CDK14: variants seen among roughly 807,000 people sequenced by gnomAD.
CDK14 encodes cyclin-dependent kinase 14.
A neutral mutation model predicts 60.7 loss-of-function variants in CDK14; 34 were observed. The observed-to-expected ratio is 0.56, with a 90% CI of 0.43 to 0.75. The LOEUF (loss-of-function observed/expected upper bound fraction) is 0.75, where lower values mean the gene tolerates loss of function less well. Among genes scored for constraint, CDK14 ranks in the 30% least tolerant of loss-of-function variants. The pLI is 0.00. For synonymous variants in CDK14, 197 were observed against 203.7 expected (o/e 0.97, Z 0.28); for missense variants, 482 against 564.1 (o/e 0.85, Z 1.47).
intron 2 of CDK14, among the ~76,000 whole-genome samples, chr7:90,649,394 C>T (rs17875197): frequency 0.067 from 1,971 of 29,470 alleles, 235 homozygotes; most frequent in African/African-American, 0.085. Flanking sequence ...TCCTTCCTTC[C>T]TTCTTTCTTT....
chr7:90,959,867 T>A (rs1794549540), intron 9 of CDK14, among the ~76,000 whole-genome samples: 1 of 152,178 alleles, frequency 6.6e-6, no homozygotes, highest in Non-Finnish European at 1.5e-5. Context: ...AGATAGTTTT[T>A]GATTGTTTTA....
At chr7:91,047,432 C>T (rs898355598) in intron 11 of CDK14, among the ~76,000 whole-genome samples, 2 of 152,070 alleles carry the variant, frequency 1.3e-5, no homozygotes, top group East Asian at 1.9e-4. Flanking sequence ...TTGGAAAGTA[C>T]GAGGATGTGG....
chr7:90,750,892 A>C lies in CDK14; in HGVS notation c.464+3117A>C, dbSNP rs141165061. On this transcript the variant is annotated intron_variant, in intron 4 of 14. Coordinates refer to ENST00000380050, the MANE Select transcript of CDK14 (RefSeq NM_001287135.2). ...TCTCCAAAAAAAAAGAAAAAAAAAG[A>C]AAAGAAGAAAACAGTTGAAAGCTTC... Among the ~76,000 whole-genome samples, 1,446 of 152,274 alleles carry C rather than the reference A, an allele frequency of 9.5e-3. 60 individuals are homozygous for C. Among genetic ancestry groups the C allele is most frequent in the Admixed American group, 0.073 (1,109 of 15,284 alleles).
chr7:90,789,088 G>T (rs721175), intron 4 of CDK14, among the ~76,000 whole-genome samples: 3,152 of 152,010 alleles, frequency 0.021, 96 homozygotes, highest in African/African-American at 0.07. Context: ...TTTAACTTAC[G>T]GACATATTTT....
chr7:90,799,148 T>G lies in CDK14; in HGVS notation c.544+8496T>G, dbSNP rs1324776091. On this transcript the variant is annotated intron_variant, in intron 5 of 14. Coordinates refer to ENST00000380050, the MANE Select transcript of CDK14 (RefSeq NM_001287135.2). ...ATAGATTCTTGAATATGTGATGGTT[T>G]TCTTAGGTGAGAATTATGCTTAAAG... Among the ~76,000 whole-genome samples the G allele has an allele frequency of 2.6e-5, 4 of 152,210 alleles. No homozygotes were observed. In the South Asian group the frequency reaches 6.2e-4, roughly 24 times the overall value.
Position 90,984,231 on chromosome 7 carries a change from G to A in CDK14, c.1031G>A (p.Arg344Gln), listed in dbSNP as rs139618090. 8.8e-5 allele frequency: 141 copies of A among 1,605,758 alleles called. No homozygotes were observed. Among genetic ancestry groups the A allele is most frequent in the Non-Finnish European group, 1.1e-4 (131 of 1,172,558 alleles). The part of the protein sequence containing the change: ...GMKDIQDQLE[R>Q]IFLVLGTPNE... ...AAAGACATTCAGGATCAACTTGAAC[G>A]AATATTTCTGGTAAGTCCTTTACAG... The change falls in exon 10 of 15, where the codon CGA (arginine) becomes CAA (glutamine). Residue 344 changes from arginine to glutamine, a missense_variant. Transcript: ENST00000380050.
chr7:90,914,915 A>T (rs1224728445), intron 7 of CDK14, among the ~76,000 whole-genome samples: 1 of 152,142 alleles, frequency 6.6e-6, no homozygotes, highest in Non-Finnish European at 1.5e-5. Context: ...ACCACCTATT[A>T]CCCGAGTATA....
At chr7:90,638,418 G>T in intron 2 of CDK14, among the ~76,000 whole-genome samples, 1 of 152,134 alleles carries the variant, frequency 6.6e-6, no homozygotes, top group Non-Finnish European at 1.5e-5. Context: ...ATGAAATTCT[G>T]GGTTGAAAAT....
chr7:90,898,542 C>T (rs558675948), intron 6 of CDK14, among the ~76,000 whole-genome samples: 1 of 151,872 alleles, frequency 6.6e-6, no homozygotes, highest in South Asian at 2.1e-4. Context: ...ATAGTACACT[C>T]CAATAAAATA....
intron 5 of CDK14, among the ~76,000 whole-genome samples, chr7:90,799,301 G>A (rs1788544413): frequency 6.6e-6 from 1 of 152,160 alleles, no homozygotes; most frequent in East Asian, 1.9e-4. Context: ...ACCCTCTAAG[G>A]TAGGTACTAT....
intron 2 of CDK14, among the ~76,000 whole-genome samples, chr7:90,630,063 AAAACAAAACAAAACAAAACAAAAC>A (rs1217988480): frequency 1.3e-4 from 19 of 150,632 alleles, no homozygotes; most frequent in Non-Finnish European, 2.1e-4. Context: ...AAAACAAAAC[AAAACAAAACAAAACAAAACAAAAC>A]ACCACACACA....
At chr7:90,883,760 C>T (rs1365226504) in intron 6 of CDK14, among the ~76,000 whole-genome samples, 1 of 152,174 alleles carries the variant, frequency 6.6e-6, no homozygotes, top group Admixed American at 6.5e-5. Context: ...TGGCTTCATC[C>T]CTGGGATGCA....
At chr7:90,635,595 T>G (rs890912864) in intron 2 of CDK14, among the ~76,000 whole-genome samples, 1 of 152,300 alleles carries the variant, frequency 6.6e-6, no homozygotes, top group East Asian at 1.9e-4. Flanking sequence ...TCTTTTGTCT[T>G]AGGATTGACT....
chr7:91,098,522 A>G (rs1330870676), intron 12 of CDK14, among the ~76,000 whole-genome samples: 2 of 146,546 alleles, frequency 1.4e-5, no homozygotes, highest in Non-Finnish European at 3.0e-5. Flanking sequence ...AAAAAGAAAG[A>G]AAGAGAAAAA....
chr7:91,017,354 T>C (rs1417887162), intron 10 of CDK14, among the ~76,000 whole-genome samples: 1 of 152,198 alleles, frequency 6.6e-6, no homozygotes, highest in African/African-American at 2.4e-5. Flanking sequence ...TAGCTGGTGG[T>C]TTCTTACAGG....
At chr7:91,062,151 G>A (rs753195022) in intron 11 of CDK14, among the ~76,000 whole-genome samples, 1 of 152,140 alleles carries the variant, frequency 6.6e-6, no homozygotes, top group African/African-American at 2.4e-5. Flanking sequence ...ATTTCAGACT[G>A]CTGTGCTAGC....
chr7:90,827,783 A>G (rs1309605982), intron 5 of CDK14, among the ~76,000 whole-genome samples: 2 of 152,196 alleles, frequency 1.3e-5, no homozygotes, highest in Non-Finnish European at 2.9e-5. Context: ...GCATTTATAA[A>G]TTTAATATAT....
At chr7:90,601,513 G>A (rs1046862991) in intron 1 of CDK14, among the ~76,000 whole-genome samples, 1 of 152,194 alleles carries the variant, frequency 6.6e-6, no homozygotes, top group Non-Finnish European at 1.5e-5. Context: ...GTGCAGATGA[G>A]ATAATCTGGC....
In CDK14 at chr7:90,757,256, G is replaced by GTGTGTGTGTC. The variant is rs1554330398; in HGVS notation, c.464+9486_464+9487insGTGTCTGTGT. ...TGTGTGTGTGTGTGTGTGTGTCTGTGTGTGTCTGTGTCCAAGTTTTCCCTT... is the reference window on the plus strand; with the variant it reads ...TGTGTGTGTGTGTGTGTGTGTCTGTGTGTGTGTGTCTGTGTCTGTGTCCAAGTTTTCCCTT... On this transcript the variant is annotated intron_variant, in intron 4 of 14. Coordinates refer to ENST00000380050, the MANE Select transcript of CDK14 (RefSeq NM_001287135.2). 1.1e-4 allele frequency among the ~76,000 whole-genome samples: 16 copies of GTGTGTGTGTC among 147,518 alleles called. No homozygotes were observed. In the East Asian group the frequency reaches 1.2e-3, roughly 11 times the overall value.
Sources: allele counts gnomAD v4.1 joint callset (sites outside exome capture counted in the v4.1 genomes callset), GRCh38; gene constraint gnomAD v4.1.1; transcripts MANE v1.5; gene names NCBI Gene and HGNC (gene_info 2026-07-23, HGNC 2026-07-21).